Variants in ELMO1 observed in about 807,000 individuals in gnomAD.
ELMO1 encodes the protein engulfment and cell motility protein 1.
Under a neutral mutation model 98.9 loss-of-function variants are expected in ELMO1, and 26 were observed. The observed-to-expected ratio is 0.26, with a 90% CI of 0.19 to 0.36. The LOEUF (loss-of-function observed/expected upper bound fraction) is 0.36. Among genes scored for constraint, ELMO1 ranks in the 10% least tolerant of loss-of-function variants. ELMO1 has a pLI of 1.00. For synonymous variants in ELMO1, 346 were observed against 346.0 expected, an observed-to-expected ratio of 1.00 and a Z score of 0.00; for missense variants, 627 against 935.2, an observed-to-expected ratio of 0.67 and a Z score of 4.30.
intron 16 of ELMO1, among the ~76,000 whole-genome samples, chr7:36,990,055 G>T (rs1791768932): frequency 6.6e-6 from 1 of 152,066 alleles, no homozygotes; most frequent in Non-Finnish European, 1.5e-5. Flanking sequence ...GAAAATAAGT[G>T]ACTTGATCGA....
chr7:37,015,580 G>A (rs1016939795), intron 15 of ELMO1, among the ~76,000 whole-genome samples: 15 of 152,062 alleles, frequency 9.9e-5, no homozygotes, highest in African/African-American at 3.4e-4. Flanking sequence ...CAGCCTGGGC[G>A]ACAAGAGCGA....
At chr7:37,272,107 A>T (rs1388884801) in intron 4 of ELMO1, among the ~76,000 whole-genome samples, 1 of 152,222 alleles carries the variant, frequency 6.6e-6, no homozygotes, top group Admixed American at 6.5e-5. Context: ...CAAGTATAGC[A>T]AACAAAAAAA....
intron 5 of ELMO1, among the ~76,000 whole-genome samples, chr7:37,262,542 G>A (rs556585641): frequency 6.6e-6 from 1 of 152,322 alleles, no homozygotes; most frequent in South Asian, 2.1e-4. Flanking sequence ...GCATGAGGCT[G>A]TTCTTAACTA....
At chr7:37,068,757 C>T (rs77998774) in intron 15 of ELMO1, among the ~76,000 whole-genome samples, 2,376 of 152,170 alleles carry the variant, frequency 0.016, 71 homozygotes, top group African/African-American at 0.054. Flanking sequence ...CTCACTAAAG[C>T]ACAGACAGCT....
chr7:37,220,754 T>G (rs142361562), intron 10 of ELMO1, among the ~76,000 whole-genome samples: 1 of 152,298 alleles, frequency 6.6e-6, no homozygotes, highest in Non-Finnish European at 1.5e-5. Flanking sequence ...GAGATCCAAG[T>G]GAAATGGCCT....
At chr7:37,431,342 T>TA (rs59912926) in intron 1 of ELMO1, among the ~76,000 whole-genome samples, 45,272 of 132,462 alleles carry the variant, frequency 0.34, 7,775 homozygotes, top group African/African-American at 0.47. Flanking sequence ...GTCTCTAAAA[T>TA]AAAAAAAAAT....
At chr7:37,086,486 T>C (rs1194190207) in intron 15 of ELMO1, among the ~76,000 whole-genome samples, 3 of 151,902 alleles carry the variant, frequency 2.0e-5, no homozygotes, top group African/African-American at 7.3e-5. Context: ...CTCACACCTG[T>C]AATCCCAGCA....
intron 1 of ELMO1, among the ~76,000 whole-genome samples, chr7:37,389,898 G>A (rs138015947): frequency 7.8e-4 from 118 of 151,834 alleles, no homozygotes; most frequent in African/African-American, 2.8e-3. Flanking sequence ...ATTAATCACC[G>A]TAAGCAGAAA....
At chr7:36,998,364 G>T (rs1792374202) in intron 16 of ELMO1, among the ~76,000 whole-genome samples, 1 of 151,830 alleles carries the variant, frequency 6.6e-6, no homozygotes, top group Non-Finnish European at 1.5e-5. Context: ...AATGCACTTT[G>T]GAGTCGTATT....
rs1484020990 is a variant in ELMO1 at position 37,392,928 on chromosome 7, C to T, written c.-73-50165G>A. ...CTGCTGTCTTCTGAGCCTGTTTGCA[C>T]TTAAGGCCACCTCCTGAGGGTTGCT... On this transcript the variant is annotated intron_variant, in intron 1 of 21. Coordinates refer to ENST00000310758, the MANE Select transcript of ELMO1 (RefSeq NM_014800.11). Among the ~76,000 whole-genome samples, 3 of 152,308 alleles carry T rather than the reference C, an allele frequency of 2.0e-5. No individual in the cohort carries two copies. The East Asian group carries it at 5.8e-4, about 29-fold the overall frequency.
At chr7:36,932,753 C>T (rs1200324404) in intron 16 of ELMO1, among the ~76,000 whole-genome samples, 3 of 152,170 alleles carry the variant, frequency 2.0e-5, no homozygotes, top group Non-Finnish European at 2.9e-5. Flanking sequence ...TTCCAAGATG[C>T]GGGCTCCTTG....
At chr7:37,031,012 A>G (rs1361802051) in intron 15 of ELMO1, among the ~76,000 whole-genome samples, 1 of 152,090 alleles carries the variant, frequency 6.6e-6, no homozygotes, top group Non-Finnish European at 1.5e-5. Context: ...CATCTCAGCT[A>G]TTTTTGCTCA....
At chr7:36,924,818 G>C (rs969941265) in intron 16 of ELMO1, among the ~76,000 whole-genome samples, 1 of 152,122 alleles carries the variant, frequency 6.6e-6, no homozygotes, top group African/African-American at 2.4e-5. Flanking sequence ...TGGTGGTCTG[G>C]GGGAATAATT....
intron 11 of ELMO1, 111 bp downstream of exon 11, chr7:37,216,534 C>T: frequency 8.0e-7 from 1 of 1,255,916 alleles, no homozygotes; most frequent in Non-Finnish European, 1.2e-6. Flanking sequence ...TACTGCTTCA[C>T]CACAGAAGGA....
At chr7:37,199,754 G>A (rs142536370) in intron 13 of ELMO1, among the ~76,000 whole-genome samples, 4 of 152,320 alleles carry the variant, frequency 2.6e-5, no homozygotes, top group Non-Finnish European at 5.9e-5. Context: ...GGGCCCCACT[G>A]CACCAGTTTG....
Position 36,887,579 on chromosome 7 carries a change from G to C in ELMO1, c.1695C>G (p.Leu565=). ...CAATACCTTGCCTCCGCCGGGCATTGAGTTTCCTAAAGCAGGTCCCTTCCA... is the reference window on the plus strand; with the variant it reads ...CAATACCTTGCCTCCGCCGGGCATTCAGTTTCCTAAAGCAGGTCCCTTCCA... ...RLVEGTCFRK[L]NARRRQDKFW... is the part of the protein sequence containing the mutation. The change falls in exon 18 of 22, where the codon CTC becomes CTG. Residue 565 remains leucine (L), a synonymous_variant. Coordinates refer to ENST00000310758, the MANE Select transcript of ELMO1 (RefSeq NM_014800.11). 6.2e-7 allele frequency: 1 copy of C among 1,614,068 alleles called. No homozygotes were observed. The highest frequency in any genetic ancestry group is 1.3e-5 in the African/African-American group (1 of 75,052).
intron 6 of ELMO1, among the ~76,000 whole-genome samples, chr7:37,253,383 A>G (rs1795462220): frequency 6.6e-6 from 1 of 152,212 alleles, no homozygotes; most frequent in African/African-American, 2.4e-5. Context: ...TACACCATGG[A>G]ATACTATGCA....
intron 10 of ELMO1, among the ~76,000 whole-genome samples, chr7:37,217,358 A>T (rs921920457): frequency 3.3e-5 from 5 of 152,206 alleles, no homozygotes; most frequent in Admixed American, 2.6e-4. Flanking sequence ...CTTTATAAAT[A>T]TTGACAAGTG....
intron 15 of ELMO1, among the ~76,000 whole-genome samples, chr7:37,076,881 G>C (rs1293958710): frequency 6.6e-6 from 1 of 152,214 alleles, no homozygotes; most frequent in Non-Finnish European, 1.5e-5. Context: ...GCTGAGCACA[G>C]GCTGTGTATC....
Sources: gnomAD v4.1 joint callset for allele counts (sites outside exome capture counted in the v4.1 genomes callset) on GRCh38, gnomAD v4.1.1 for gene constraint, MANE v1.5 for transcripts, NCBI Gene and HGNC (gene_info 2026-07-23, HGNC 2026-07-21) for gene names.